PCDHGA9: variants seen among roughly 807,000 people sequenced by gnomAD.
PCDHGA9 encodes the protein protocadherin gamma subfamily A, 9.
In PCDHGA9, 37 loss-of-function variants were observed where a neutral mutation model predicts 62.5. That is an observed-to-expected ratio of 0.59 (90% CI 0.46 to 0.78). PCDHGA9 has a LOEUF of 0.78. PCDHGA9 is among the 30% of genes least tolerant of loss of function. PCDHGA9 has a pLI of 0.00. For synonymous variants in PCDHGA9, 459 were observed against 484.6 expected, an observed-to-expected ratio of 0.95 and a Z score of 0.69; for missense variants, 1,138 against 1,166.2, an observed-to-expected ratio of 0.98 and a Z score of 0.35.
At chr5:141,422,330 CTCT>C in intron 1 of PCDHGA9, 1 of 1,548,166 alleles carries the variant, frequency 6.5e-7, no homozygotes, top group East Asian at 2.2e-5. Context: ...ACAGTGATTG[CTCT>C]TCTAAATGTG....
At chr5:141,421,305 G>A in intron 1 of PCDHGA9, 23 of 1,613,652 alleles carry the variant, frequency 1.4e-5, no homozygotes, top group Non-Finnish European at 1.9e-5. Context: ...CGCTGCGGGG[G>A]TTCCGGGCCA....
chr5:141,413,992 A>G (rs1437832303), intron 1 of PCDHGA9: 1 of 1,613,538 alleles, frequency 6.2e-7, no homozygotes, highest in Admixed American at 1.7e-5. Flanking sequence ...AGCCACCGAC[A>G]GGGACGAAGG....
rs148798222 is a variant in PCDHGA9, at chr5:141,432,106, G to A, written c.2424+26730G>A. On this transcript the variant is annotated intron_variant, in intron 1 of 3. Coordinates refer to ENST00000573521, the MANE Select transcript of PCDHGA9 (RefSeq NM_018921.3). This position sits in a 1 kb window ranked among gnomAD's most constrained non-coding sequence, Gnocchi z 6.0. The stretch of plus-strand genomic sequence containing the variant: ...ACGTGGCAGACACCAACGACAACCC[G>A]CCGGTCTTCCCTCAGGCCTCCTATT... 4 of 1,614,068 alleles carry A rather than the reference G, an allele frequency of 2.5e-6. No homozygotes were observed. Among genetic ancestry groups the A allele is most frequent in the Non-Finnish European group, 3.4e-6 (4 of 1,180,020 alleles).
chr5:141,427,998 C>T, intron 1 of PCDHGA9: 1 of 1,600,956 alleles, frequency 6.2e-7, no homozygotes, highest in Non-Finnish European at 8.6e-7. Flanking sequence ...TGGCTCCGCA[C>T]TCTTCGATAT....
In PCDHGA9 at chr5:141,476,585, G is replaced by C; in HGVS notation, c.2425-18222G>C. 6.2e-7 allele frequency: 1 copy of C among 1,614,214 alleles called. No homozygotes were observed. The highest frequency in any genetic ancestry group is 8.5e-7 in the Non-Finnish European group (1 of 1,180,040). On this transcript the variant is annotated intron_variant, in intron 1 of 3. Coordinates refer to ENST00000573521, the MANE Select transcript of PCDHGA9 (RefSeq NM_018921.3). The surrounding 1 kb of genome is among the most constrained non-coding windows in gnomAD (Gnocchi z 7.6). ...GGCTCCGGGGACGCGCTTTCCGCTC[G>C]AGAGCGCGCACGATCCCGATGTGGG...
chr5:141,456,968 A>AAAACAAAC (rs202005606), intron 1 of PCDHGA9, among the ~76,000 whole-genome samples: 1 of 152,282 alleles, frequency 6.6e-6, no homozygotes, highest in Admixed American at 6.5e-5. Flanking sequence ...ATCTCAAAAC[A>AAAACAAAC]AAACAAACAA....
rs749746083 is a variant in PCDHGA9, at chr5:141,404,602, G to C, written c.1650G>C (p.Leu550=). The C allele has an allele frequency of 1.2e-6, 2 of 1,614,076 alleles. No individual in the cohort carries two copies. The highest frequency in any genetic ancestry group is 1.7e-5 in the Admixed American group (1 of 60,028). ...PPLSSNVSLR[L]FVLDQNDNAP... ...TTAGCAGCAATGTGTCATTGAGACT[G>C]TTTGTTTTGGACCAGAATGACAATG... is the stretch of plus-strand genomic sequence containing the variant. The change falls in exon 1 of 4, where the codon CTG becomes CTC. Residue 550 remains leucine, a synonymous_variant. Transcript: ENST00000573521.
rs200064261 is a variant in PCDHGA9, at chr5:141,487,515, G to A, written c.2425-7292G>A. 3.7e-5 allele frequency: 59 copies of A among 1,614,018 alleles called. No homozygotes were observed. The highest frequency in any genetic ancestry group is 8.8e-5 in the South Asian group (8 of 91,086). On this transcript the variant is annotated intron_variant, in intron 1 of 3. Coordinates refer to ENST00000573521, the MANE Select transcript of PCDHGA9 (RefSeq NM_018921.3). The surrounding 1 kb of genome is among the most constrained non-coding windows in gnomAD (Gnocchi z 5.0). Reference sequence around the variant, plus strand: ...ACACCCTTGGCTTCTGCACCCACTCGGAGTGATAGCTTCATGATGGTGAAG... The same window carrying A: ...ACACCCTTGGCTTCTGCACCCACTCAGAGTGATAGCTTCATGATGGTGAAG...
At chr5:141,502,781 C>G (rs1360359268) in intron 2 of PCDHGA9, among the ~76,000 whole-genome samples, 2 of 151,658 alleles carry the variant, frequency 1.3e-5, no homozygotes, top group Non-Finnish European at 2.9e-5. Flanking sequence ...TGAAAATTAC[C>G]TGGATGATTT....
At chr5:141,469,424 AC>A (rs1173507321) in intron 1 of PCDHGA9, among the ~76,000 whole-genome samples, 1 of 151,864 alleles carries the variant, frequency 6.6e-6, no homozygotes, top group East Asian at 1.9e-4. Context: ...AAAATATAAA[AC>A]TTAGCTGGGC....
intron 1 of PCDHGA9, among the ~76,000 whole-genome samples, chr5:141,463,024 A>G (rs2099051235): frequency 6.6e-6 from 1 of 152,070 alleles, no homozygotes; most frequent in South Asian, 2.1e-4. Context: ...GACTTTTTTG[A>G]TTAATCTGAG....
chr5:141,412,108 G>A (rs897331971), intron 1 of PCDHGA9: 2 of 152,198 alleles, frequency 1.3e-5, no homozygotes, highest in Admixed American at 6.5e-5. Flanking sequence ...CACAGTTGAA[G>A]ATATGTGAAC....
intron 1 of PCDHGA9, chr5:141,441,868 C>A: frequency 3.0e-6 from 1 of 338,212 alleles, no homozygotes; most frequent in Non-Finnish European, 5.8e-6. Flanking sequence ...CGCCGCGGAG[C>A]CTGGCTACCT....
intron 1 of PCDHGA9, among the ~76,000 whole-genome samples, chr5:141,494,469 C>T (rs2099754623): frequency 6.6e-6 from 1 of 152,114 alleles, no homozygotes; most frequent in Non-Finnish European, 1.5e-5. Flanking sequence ...GCACCTCTTC[C>T]CCCAGTTCCA....
At chr5:141,506,805 G>A (rs1314432893) in intron 3 of PCDHGA9, among the ~76,000 whole-genome samples, 1 of 152,172 alleles carries the variant, frequency 6.6e-6, no homozygotes, top group African/African-American at 2.4e-5. Flanking sequence ...GAGGATCAAG[G>A]CATTGCCCTA....
chr5:141,491,119 G>A lies in PCDHGA9; in HGVS notation c.2425-3688G>A. 6.2e-7 allele frequency: 1 copy of A among 1,614,216 alleles called. No individual in the cohort carries two copies. The highest frequency in any genetic ancestry group is 1.1e-5 in the South Asian group (1 of 91,086). ...GTTCCTCGTGTCTACACACACTGGT[G>A]AGGTGCGCACAGCCCGGGCCTTACT... On this transcript the variant is annotated intron_variant, in intron 1 of 3. Transcript: ENST00000573521. The surrounding 1 kb of genome is among the most constrained non-coding windows in gnomAD (Gnocchi z 6.9).
chr5:141,417,939 C>T, intron 1 of PCDHGA9: 1 of 1,612,862 alleles, frequency 6.2e-7, no homozygotes, highest in Non-Finnish European at 8.5e-7. Context: ...TTGTTCTACC[C>T]CACGCTGTGT....
In PCDHGA9 at chr5:141,491,607, T is replaced by G; in HGVS notation, c.2425-3200T>G. On this transcript the variant is annotated intron_variant, in intron 1 of 3. Coordinates refer to ENST00000573521, the MANE Select transcript of PCDHGA9 (RefSeq NM_018921.3). The surrounding 1 kb of genome is among the most constrained non-coding windows in gnomAD (Gnocchi z 6.9). ...CCTCGGACGGCAGTGACTTCACTTT[T>G]CTAAGACCCCTCAGCGTTCAGCAGC... 6.2e-7 allele frequency: 1 copy of G among 1,613,932 alleles called. No homozygotes were observed. The highest frequency in any genetic ancestry group is 1.1e-5 in the South Asian group (1 of 91,084).
chr5:141,500,871 T>C (rs2154592764), intron 2 of PCDHGA9, among the ~76,000 whole-genome samples: 1 of 135,840 alleles, frequency 7.4e-6, no homozygotes, highest in African/African-American at 3.0e-5. Context: ...TACACATTCA[T>C]TTACAATTTT....
Sources: allele counts gnomAD v4.1 joint callset (sites outside exome capture counted in the v4.1 genomes callset), GRCh38; gene constraint gnomAD v4.1.1; non-coding constraint Gnocchi (gnomAD v3.1); transcripts MANE v1.5; gene names NCBI Gene and HGNC (gene_info 2026-07-23, HGNC 2026-07-21).